The following THRB variants were observed in gnomAD, a reference collection of about 807,000 sequenced individuals.
THRB encodes the protein nuclear receptor subfamily 1 group A member 2.
THRB carries 12 observed loss-of-function variants against 47.8 expected under a neutral mutation model. The ratio of observed to expected loss-of-function variants is 0.25; its 90% confidence interval spans 0.16 to 0.41. The LOEUF is 0.41. Ranked by LOEUF, THRB falls within the 10% of genes least tolerant of loss-of-function variation. The probability of loss-of-function intolerance (pLI) is 1.00; values close to 1 mark genes in which losing one functional copy is unlikely to be tolerated. For synonymous variants in THRB, 218 were observed against 212.2 expected (o/e 1.03, Z -0.24); for missense variants, 348 against 589.2 (o/e 0.59, Z 4.24).
chr3:24,236,176 T>C (rs1376764821), intron 3 of THRB, among the ~76,000 whole-genome samples: 2 of 152,120 alleles, frequency 1.3e-5, no homozygotes, highest in African/African-American at 4.8e-5. Flanking sequence ...ACATCAAACC[T>C]TTGACTCTGG....
rs186103600 is a variant in THRB, at chr3:24,213,816, T to G, written c.22+15122A>C. ...GGTTGTTCAGGAAAACTGGATGGCA[T>G]TTGGTTAATGGGGAATGTGAAATGT... is the stretch of plus-strand genomic sequence containing the variant. On this transcript the variant is annotated intron_variant, in intron 4 of 10. Transcript: ENST00000646209. Among the ~76,000 whole-genome samples the G allele has an allele frequency of 1.3e-5, 2 of 152,262 alleles. 1 individual carries two copies. The highest frequency in any genetic ancestry group is 2.9e-5 in the Non-Finnish European group (2 of 68,022).
rs1222543963 is a variant in THRB at position 24,120,851 on chromosome 3, C to T, written c.*2033G>A. 2.0e-5 allele frequency: 3 copies of T among 152,166 alleles called. No homozygotes were observed. Among genetic ancestry groups the T allele is most frequent in the Non-Finnish European group, 2.9e-5 (2 of 68,026 alleles). The allele number at this position is 152,166 out of a possible 1,614,324, so 9.4% of individuals were successfully genotyped here. A position where few individuals can be genotyped will look rare whatever the true frequency, so the allele number is the denominator to read the frequency against. On this transcript the variant is annotated 3_prime_UTR_variant, in exon 11 of 11. Coordinates refer to ENST00000646209, the MANE Select transcript of THRB (RefSeq NM_001354712.2). ...CTTCCTTTCTCTGGGTAACAAGTTCCATAGCAATGTTCTTGTTTCCTTTTT... is the reference window on the plus strand; with the variant it reads ...CTTCCTTTCTCTGGGTAACAAGTTCTATAGCAATGTTCTTGTTTCCTTTTT...
At chr3:24,188,884 T>TATATATATATATATATATATATAA (rs1559548488) in intron 5 of THRB, among the ~76,000 whole-genome samples, 3 of 142,808 alleles carry the variant, frequency 2.1e-5, no homozygotes, top group African/African-American at 5.4e-5. Flanking sequence ...TATATATATA[T>TATATATATATATATATATATATAA]GAGAGAAAGA....
chr3:24,323,019 C>T (rs4858605), intron 2 of THRB, among the ~76,000 whole-genome samples: 36,744 of 151,912 alleles, frequency 0.24, 4,959 homozygotes, highest in Admixed American at 0.35. Flanking sequence ...TACATTCATG[C>T]CCACTTGTTT....
At chr3:24,183,359 TTTTC>T (rs1345094290) in intron 5 of THRB, among the ~76,000 whole-genome samples, 1 of 79,062 alleles carries the variant, frequency 1.3e-5, no homozygotes. Context: ...TCTTTTTCTT[TTTTC>T]TTTTCTTTTT....
At chr3:24,190,022 A>T in intron 5 of THRB, 52 bp downstream of exon 5, 2 of 1,558,802 alleles carry the variant, frequency 1.3e-6, no homozygotes, top group South Asian at 1.1e-5. Context: ...CAACAGGGAT[A>T]TTTTTTTTCT....
chr3:24,224,452 T>C (rs115462688), intron 4 of THRB, among the ~76,000 whole-genome samples: 2,599 of 152,246 alleles, frequency 0.017, 64 homozygotes, highest in African/African-American at 0.057. Flanking sequence ...TATTTTGCCA[T>C]CAGTAACCTT....
intron 4 of THRB, among the ~76,000 whole-genome samples, chr3:24,210,423 G>A (rs577517830): frequency 1.4e-5 from 2 of 140,648 alleles, no homozygotes; most frequent in East Asian, 4.1e-4. Context: ...TTTTTTTTTT[G>A]CTTCTGTGGG....
At chr3:24,165,794 A>G (rs2039570403) in intron 5 of THRB, among the ~76,000 whole-genome samples, 2 of 152,216 alleles carry the variant, frequency 1.3e-5, no homozygotes, top group Non-Finnish European at 2.9e-5. Flanking sequence ...ACATGATTAT[A>G]AAACGATTAC....
intron 1 of THRB, among the ~76,000 whole-genome samples, chr3:24,349,175 T>C (rs1182660226): frequency 1.3e-5 from 2 of 152,078 alleles, no homozygotes; most frequent in Non-Finnish European, 1.5e-5. Flanking sequence ...GACTTCTAAA[T>C]GGGAAACTAC....
rs751094559 is a variant in THRB, at chr3:24,127,521, C to A, written c.1122G>T (p.Gln374His). Residue 374 changes from glutamine to histidine, a missense_variant, in exon 10 of 11, where the codon CAG becomes CAT. Gln to His is a conservative substitution (Grantham distance 24, BLOSUM62 0). Coordinates refer to ENST00000646209, the MANE Select transcript of THRB (RefSeq NM_001354712.2). ...NLDDTEVALL[Q>H]AVLLMSSDRP... is the part of the protein sequence containing the mutation. ...CACCTGAAGACATCAGCAGGACGGC[C>A]TGAAGGAGGGCTACTTCAGTGTCAT... The A allele has an allele frequency of 6.2e-7, 1 of 1,614,164 alleles. No individual in the cohort carries two copies. The highest frequency in any genetic ancestry group is 2.2e-5 in the East Asian group (1 of 44,882).
intron 1 of THRB, among the ~76,000 whole-genome samples, chr3:24,470,111 T>G (rs564573732): frequency 1.3e-5 from 2 of 152,230 alleles, no homozygotes; most frequent in Non-Finnish European, 2.9e-5. Context: ...TTGTTACCCT[T>G]GAGTCATGTG....
intron 3 of THRB, among the ~76,000 whole-genome samples, chr3:24,279,986 A>T (rs2054375523): frequency 6.6e-6 from 1 of 152,182 alleles, no homozygotes; most frequent in South Asian, 2.1e-4. Context: ...AGGGGTCCAT[A>T]GACTTCACCA....
intron 3 of THRB, among the ~76,000 whole-genome samples, chr3:24,281,812 CCAA>C (rs1161169609): frequency 6.6e-6 from 1 of 150,382 alleles, no homozygotes; most frequent in Non-Finnish European, 1.5e-5. Flanking sequence ...AGACTTTAAA[CCAA>C]CAAAGATCAA....
intron 3 of THRB, among the ~76,000 whole-genome samples, chr3:24,229,326 G>A (rs2048017022): frequency 1.3e-5 from 2 of 152,166 alleles, no homozygotes; most frequent in Non-Finnish European, 2.9e-5. Context: ...AGATGTATTA[G>A]CATCTCTAAT....
At chr3:24,287,510 T>G (rs775426444) in intron 3 of THRB, among the ~76,000 whole-genome samples, 1 of 152,170 alleles carries the variant, frequency 6.6e-6, no homozygotes, top group African/African-American at 2.4e-5. Context: ...CCACTGTCCT[T>G]TAGTTTGTAA....
At position 24,350,228 on chromosome 3, in the gene THRB, GAGA is replaced by G. The variant is rs1326738804; in HGVS notation, c.-260-12860_-260-12858del. On this transcript the variant is annotated intron_variant, in intron 1 of 10. Transcript: ENST00000646209. ...AAAATACTGCCAATACCTAGTATTG[GAGA>G]AGATGTGAAGAAACTGGAATTCTCA... 2.0e-5 allele frequency among the ~76,000 whole-genome samples: 3 copies of G among 152,180 alleles called. No individual in the cohort carries two copies. The East Asian group carries it at 5.8e-4, about 29-fold the overall frequency.
chr3:24,224,696 T>G (rs62253719), intron 4 of THRB, among the ~76,000 whole-genome samples: 2,824 of 152,336 alleles, frequency 0.019, 51 homozygotes, highest in African/African-American at 0.05. Flanking sequence ...AAACACAAAA[T>G]GCACTGCCTC....
intron 1 of THRB, among the ~76,000 whole-genome samples, chr3:24,471,602 C>G (rs1323132958): frequency 6.6e-6 from 1 of 152,078 alleles, no homozygotes; most frequent in Non-Finnish European, 1.5e-5. Context: ...GCTTTGTGGC[C>G]CTTGAACATT....
Sources: gnomAD v4.1 joint callset for allele counts (sites outside exome capture counted in the v4.1 genomes callset) on GRCh38, gnomAD v4.1.1 for gene constraint, MANE v1.5 for transcripts, NCBI Gene and HGNC (gene_info 2026-07-23, HGNC 2026-07-21) for gene names.